Variants in RIGI observed in about 807,000 individuals in gnomAD.
RIGI encodes the protein RNA sensor RIG-I.
the RIGI span, chr9:32,485,528 CTTCT>C: frequency 4.4e-6 from 2 of 450,386 alleles, no homozygotes; most frequent in Admixed American, 3.2e-5. Context: ...GTCTAACTAG[CTTCT>C]TTTTTTTTTT....
the RIGI span, among the ~76,000 whole-genome samples, chr9:32,518,121 T>C: frequency 6.6e-6 from 1 of 150,452 alleles, no homozygotes; most frequent in Admixed American, 6.6e-5. Context: ...TAATTCTATA[T>C]ATAAAATGTG....
chr9:32,495,337 G>A, the RIGI span, among the ~76,000 whole-genome samples: 1 of 152,054 alleles, frequency 6.6e-6, no homozygotes, highest in East Asian at 1.9e-4. Flanking sequence ...GAGTAGCTGG[G>A]ATTACAGGCA....
the RIGI span, among the ~76,000 whole-genome samples, chr9:32,525,669 T>A: frequency 6.6e-6 from 1 of 152,248 alleles, no homozygotes; most frequent in Middle Eastern, 3.2e-3. Flanking sequence ...TGTAATTATC[T>A]GCCCTTTGTG....
At chr9:32,459,595 T>TA in the RIGI span, 1 of 1,334,988 alleles carries the variant, frequency 7.5e-7, no homozygotes, top group Non-Finnish European at 1.0e-6. Flanking sequence ...GTACAATACA[T>TA]ATACATGCAC....
the RIGI span, among the ~76,000 whole-genome samples, chr9:32,510,844 T>C: frequency 1.1e-4 from 16 of 151,062 alleles, no homozygotes; most frequent in Admixed American, 5.3e-4. Flanking sequence ...AGGAGACCCA[T>C]CTCACATGTA....
the RIGI span, among the ~76,000 whole-genome samples, chr9:32,461,158 G>A: frequency 6.6e-6 from 1 of 152,028 alleles, no homozygotes; most frequent in Non-Finnish European, 1.5e-5. Context: ...TTTTTTAAAC[G>A]CTGAAAGAAA....
the RIGI span, among the ~76,000 whole-genome samples, chr9:32,492,799 T>C: frequency 6.6e-6 from 1 of 152,250 alleles, no homozygotes; most frequent in African/African-American, 2.4e-5. Flanking sequence ...ATACCTATCC[T>C]CATCAGCAAT....
At chr9:32,477,040 G>A in the RIGI span, 4 of 1,614,138 alleles carry the variant, frequency 2.5e-6, no homozygotes, top group South Asian at 1.1e-5. Context: ...GGTTTAAGTG[G>A]TACTCTTCTT....
chr9:32,501,887 T>G, the RIGI span, among the ~76,000 whole-genome samples: 1 of 152,234 alleles, frequency 6.6e-6, no homozygotes, highest in South Asian at 2.1e-4. Context: ...AAGGTCTCTG[T>G]CTTGACAACA....
At chr9:32,486,356 G>A in the RIGI span, among the ~76,000 whole-genome samples, 1 of 151,600 alleles carries the variant, frequency 6.6e-6, no homozygotes, top group East Asian at 1.9e-4. Flanking sequence ...AGGAGACTGA[G>A]GCAGGAGAAT....
the RIGI span, among the ~76,000 whole-genome samples, chr9:32,494,781 T>C: frequency 6.6e-6 from 1 of 151,248 alleles, no homozygotes; most frequent in South Asian, 2.1e-4. Flanking sequence ...AATATTTGTC[T>C]TTTTGTGACT....
the RIGI span, chr9:32,488,711 G>A: frequency 6.7e-7 from 1 of 1,503,004 alleles, no homozygotes; most frequent in Non-Finnish European, 8.9e-7. Context: ...AGAAAAAGAA[G>A]TTGAAGCAAC....
the RIGI span, among the ~76,000 whole-genome samples, chr9:32,513,207 T>C: frequency 6.6e-6 from 1 of 151,996 alleles, no homozygotes; most frequent in African/African-American, 2.4e-5. Flanking sequence ...CTTCACAGAA[T>C]TGGAAAAAAC....
the RIGI span, chr9:32,485,315 G>A: frequency 1.0e-4 from 143 of 1,410,700 alleles, no homozygotes; most frequent in African/African-American, 1.9e-3. Context: ...AAGAAAAAAA[G>A]AGTGAGTATA....
the RIGI span, among the ~76,000 whole-genome samples, chr9:32,483,555 G>C: frequency 6.6e-6 from 1 of 152,118 alleles, no homozygotes; most frequent in Non-Finnish European, 1.5e-5. Flanking sequence ...TCAGTGTGCT[G>C]CTGGATAATA....
chr9:32,478,856 G>A, the RIGI span, among the ~76,000 whole-genome samples: 8,032 of 152,146 alleles, frequency 0.053, 312 homozygotes, highest in Middle Eastern at 0.092. Context: ...CACCATGCCC[G>A]GCTTAATTTA....
At chr9:32,521,158 A>AAAAAAAAAAAAAC in the RIGI span, among the ~76,000 whole-genome samples, 1 of 150,782 alleles carries the variant, frequency 6.6e-6, no homozygotes, top group African/African-American at 2.4e-5. Context: ...AAAAAAAAAA[A>AAAAAAAAAAAAAC]AAAACTTCAC....
chr9:32,457,502 AC>A, the RIGI span: 2 of 1,138,580 alleles, frequency 1.8e-6, no homozygotes, highest in Non-Finnish European at 2.4e-6. Flanking sequence ...AAAAAAGAAA[AC>A]CCCACAATAA....
chr9:32,460,084 TTG>T, the RIGI span, among the ~76,000 whole-genome samples: 1 of 152,218 alleles, frequency 6.6e-6, no homozygotes, highest in South Asian at 2.1e-4. Flanking sequence ...ATGATAGTGA[TTG>T]TGTCTCACAA....
Sources: gnomAD v4.1 joint callset for allele counts (sites outside exome capture counted in the v4.1 genomes callset) on GRCh38, gnomAD v4.1.1 for gene constraint, MANE v1.5 for transcripts, NCBI Gene and HGNC (gene_info 2026-07-23, HGNC 2026-07-21) for gene names.